GRXCR1: variants seen among roughly 807,000 people sequenced by gnomAD.
The protein encoded by GRXCR1 is glutaredoxin domain-containing cysteine-rich protein 1.
A neutral mutation model predicts 27.3 loss-of-function variants in GRXCR1; 27 were observed. The ratio of observed to expected loss-of-function variants is 0.99; its 90% CI spans 0.73 to 1.37. The LOEUF (loss-of-function observed/expected upper bound fraction) is 1.37. Ranked by LOEUF, GRXCR1 falls within the 40% of genes most tolerant of loss-of-function variation. The pLI is 0.00. For missense variants in GRXCR1, 379 were observed against 354.4 expected (o/e 1.07, Z -0.56); for synonymous variants, 122 against 131.1 (o/e 0.93, Z 0.47).
intron 1 of GRXCR1, among the ~76,000 whole-genome samples, chr4:42,926,596 A>T (rs571563124): frequency 2.3e-4 from 35 of 151,852 alleles, no homozygotes; most frequent in African/African-American, 8.0e-4. Flanking sequence ...GTACAATTTT[A>T]CTATTCAAAA....
chr4:42,954,863 T>TG (rs1747962300), intron 1 of GRXCR1, among the ~76,000 whole-genome samples: 5 of 152,120 alleles, frequency 3.3e-5, no homozygotes, highest in Non-Finnish European at 5.9e-5. Flanking sequence ...TGGATAAAGT[T>TG]TATTTACAAA....
intron 2 of GRXCR1, among the ~76,000 whole-genome samples, chr4:42,987,222 T>TTATATATA (rs1553943891): frequency 6.0e-5 from 6 of 100,594 alleles, no homozygotes; most frequent in Non-Finnish European, 7.7e-5. Flanking sequence ...TATATATATA[T>TTATATATA]TATATATTAT....
chr4:43,007,068 G>A (rs1409699077), intron 2 of GRXCR1, among the ~76,000 whole-genome samples: 1 of 152,188 alleles, frequency 6.6e-6, no homozygotes, highest in Non-Finnish European at 1.5e-5. Context: ...CTCCATTACA[G>A]ATTGAAAACT....
chr4:43,027,665 A>G (rs1713298776), intron 3 of GRXCR1, among the ~76,000 whole-genome samples: 1 of 152,230 alleles, frequency 6.6e-6, no homozygotes, highest in African/African-American at 2.4e-5. Flanking sequence ...AGTCACAAAT[A>G]TATTTCATGA....
chr4:42,942,004 A>G (rs1431314381), intron 1 of GRXCR1, among the ~76,000 whole-genome samples: 2 of 152,120 alleles, frequency 1.3e-5, no homozygotes, highest in Admixed American at 6.6e-5. Flanking sequence ...ACTTGAGCAC[A>G]TAATTTCAAA....
chr4:43,002,686 A>T (rs1048429252), intron 2 of GRXCR1, among the ~76,000 whole-genome samples: 31 of 152,044 alleles, frequency 2.0e-4, no homozygotes, highest in Non-Finnish European at 4.3e-4. Flanking sequence ...TTATCCCTGA[A>T]TACTGGGCTA....
chr4:42,966,940 A>G (rs1748250952), intron 2 of GRXCR1, among the ~76,000 whole-genome samples: 1 of 151,996 alleles, frequency 6.6e-6, no homozygotes, highest in African/African-American at 2.4e-5. Context: ...ATTTTGGATG[A>G]CAGCTCCTTA....
At chr4:42,908,635 A>C (rs1022053539) in intron 1 of GRXCR1, among the ~76,000 whole-genome samples, 1 of 152,206 alleles carries the variant, frequency 6.6e-6, no homozygotes, top group Non-Finnish European at 1.5e-5. Flanking sequence ...ATGGATTCTA[A>C]AACCTGAAGA....
intron 1 of GRXCR1, among the ~76,000 whole-genome samples, chr4:42,933,936 C>T (rs1461245148): frequency 4.0e-5 from 6 of 151,834 alleles, no homozygotes; most frequent in Non-Finnish European, 8.8e-5. Flanking sequence ...AAGAGCAGGG[C>T]ACGCCACTCC....
chr4:42,991,570 C>A (rs1711976817), intron 2 of GRXCR1, among the ~76,000 whole-genome samples: 1 of 151,916 alleles, frequency 6.6e-6, no homozygotes, highest in Non-Finnish European at 1.5e-5. Flanking sequence ...GAGGTAGTTG[C>A]AACAATAAAC....
intron 1 of GRXCR1, among the ~76,000 whole-genome samples, chr4:42,913,538 G>A (rs1347895124): frequency 2.6e-5 from 4 of 152,136 alleles, no homozygotes; most frequent in African/African-American, 7.2e-5. Context: ...TTTCTAAGTG[G>A]CAAAGCATTC....
intron 2 of GRXCR1, among the ~76,000 whole-genome samples, chr4:43,010,901 C>A: frequency 6.6e-6 from 1 of 152,106 alleles, no homozygotes; most frequent in South Asian, 2.1e-4. Context: ...TCATTTATTT[C>A]TTACACTGCT....
At chr4:42,924,372 T>C (rs1027163460) in intron 1 of GRXCR1, among the ~76,000 whole-genome samples, 4 of 152,066 alleles carry the variant, frequency 2.6e-5, no homozygotes, top group African/African-American at 9.7e-5. Context: ...TGATTTTACC[T>C]ATATTGTCAC....
intron 1 of GRXCR1, among the ~76,000 whole-genome samples, chr4:42,934,982 G>T (rs1331038939): frequency 6.6e-6 from 1 of 151,940 alleles, no homozygotes; most frequent in Admixed American, 6.6e-5. Context: ...TACAGTGGGG[G>T]TTCCATAACT....
intron 2 of GRXCR1, among the ~76,000 whole-genome samples, chr4:43,015,270 T>C (rs774003896): frequency 2.0e-5 from 3 of 152,252 alleles, no homozygotes; most frequent in South Asian, 4.1e-4. Context: ...TTTACCCTAA[T>C]CACTAGAAGA....
chr4:43,016,116 T>C (rs1455798449), intron 2 of GRXCR1, among the ~76,000 whole-genome samples: 1 of 152,254 alleles, frequency 6.6e-6, no homozygotes, highest in African/African-American at 2.4e-5. Context: ...AGCTGATTTA[T>C]ATCACTTTAT....
intron 2 of GRXCR1, 42 bp from the exon 3 acceptor site, chr4:43,020,312 T>C (rs1713053463): frequency 7.8e-7 from 1 of 1,278,684 alleles, no homozygotes; most frequent in Middle Eastern, 1.8e-4. Context: ...TCTCAAATAC[T>C]AACAAAAATG....
intron 1 of GRXCR1, among the ~76,000 whole-genome samples, chr4:42,926,052 C>T (rs1747150766): frequency 6.6e-6 from 1 of 152,004 alleles, no homozygotes; most frequent in Non-Finnish European, 1.5e-5. Flanking sequence ...TCTAACCTTT[C>T]GACTTTTTCC....
intron 3 of GRXCR1, among the ~76,000 whole-genome samples, chr4:43,027,925 A>G (rs1050788777): frequency 3.3e-5 from 5 of 152,176 alleles, no homozygotes; most frequent in African/African-American, 7.2e-5. Flanking sequence ...CCTGACCAAC[A>G]TGGTGAAACC....
Sources: allele counts gnomAD v4.1 joint callset (sites outside exome capture counted in the v4.1 genomes callset), GRCh38; gene constraint gnomAD v4.1.1; transcripts MANE v1.5; gene names NCBI Gene and HGNC (gene_info 2026-07-23, HGNC 2026-07-21).